TBC1D16: variants seen among roughly 807,000 people sequenced by gnomAD.
TBC1D16 encodes the protein CTD-2529O21.1.
In TBC1D16, 58 loss-of-function variants were observed where a neutral mutation model predicts 74.7. The ratio of observed to expected loss-of-function variants is 0.78; its 90% CI spans 0.63 to 0.97. The LOEUF (loss-of-function observed/expected upper bound fraction) is 0.97, where lower values mean the gene tolerates loss of function less well. Ranked by LOEUF, TBC1D16 falls within the 50% of genes least tolerant of loss-of-function variation. TBC1D16 has a pLI of 0.00. For missense variants in TBC1D16, 1,014 were observed against 1,079.5 expected, an observed-to-expected ratio of 0.94 and a Z score of 0.85; for synonymous variants, 493 against 474.7, an observed-to-expected ratio of 1.04 and a Z score of -0.50.
In TBC1D16 at chr17:80,035,436, C is replaced by T. The variant is rs1386159266; in HGVS notation, c.-63+359G>A. 6.6e-6 allele frequency among the ~76,000 whole-genome samples: 1 copy of T among 152,024 alleles called. No individual in the cohort carries two copies. Among genetic ancestry groups the T allele is most frequent in the Admixed American group, 6.5e-5 (1 of 15,282 alleles). ...CCCACAAGTTCTCATCCGTCTGCTC[C>T]GCCGATTCAGCCAGACAAAGACCGC... On this transcript the variant is annotated intron_variant, in intron 1 of 11. Transcript: ENST00000310924. The surrounding 1 kb of genome is among the most constrained non-coding windows in gnomAD (Gnocchi z 5.3).
At chr17:80,006,340 C>A (rs371217236) in intron 3 of TBC1D16, among the ~76,000 whole-genome samples, 2 of 152,166 alleles carry the variant, frequency 1.3e-5, no homozygotes, top group Non-Finnish European at 2.9e-5. Flanking sequence ...GCCACCCCAG[C>A]GATCCTAGTT....
In TBC1D16 at chr17:79,985,259, G is replaced by A. The variant is rs929820339; in HGVS notation, c.779+24901C>T. On this transcript the variant is annotated intron_variant, in intron 3 of 11. Transcript: ENST00000310924. This position sits in a 1 kb window ranked among gnomAD's most constrained non-coding sequence, Gnocchi z 4.9. Reference sequence around the variant, plus strand: ...CCGTCCGTGTCTTTTAAAGACATCCGTTGGATTTAGGGCCACCCTAATCCA... The same window carrying A: ...CCGTCCGTGTCTTTTAAAGACATCCATTGGATTTAGGGCCACCCTAATCCA... Among the ~76,000 whole-genome samples the A allele has an allele frequency of 9.9e-5, 15 of 152,088 alleles. No homozygotes were observed. The highest frequency in any genetic ancestry group is 2.2e-4 in the African/African-American group (9 of 41,400).
In TBC1D16 at chr17:80,007,594, C is replaced by G. The variant is rs1167882145; in HGVS notation, c.779+2566G>C. On this transcript the variant is annotated intron_variant, in intron 3 of 11. Coordinates refer to ENST00000310924, the MANE Select transcript of TBC1D16 (RefSeq NM_019020.4). The surrounding 1 kb of genome is among the most constrained non-coding windows in gnomAD (Gnocchi z 4.5). ...AGGGGGCCATGGGGAGGGCCCTCCT[C>G]AGCCCAGGGTTCGGGGGAATAGAGA... 6.6e-6 allele frequency among the ~76,000 whole-genome samples: 1 copy of G among 152,186 alleles called. No individual in the cohort carries two copies.
Position 79,941,720 on chromosome 17 carries a change from G to T in TBC1D16, c.2055+340C>A, listed in dbSNP as rs2032015075. ...TCCTTCTCAGTGTTCCCAGTTCTGG[G>T]TTGTAAGCGAGGTACCCCAGGGTAG... On this transcript the variant is annotated intron_variant, in intron 11 of 11. Transcript: ENST00000310924. The surrounding 1 kb of genome is among the most constrained non-coding windows in gnomAD (Gnocchi z 4.3). Among the ~76,000 whole-genome samples the T allele has an allele frequency of 6.6e-6, 1 of 152,238 alleles. No individual in the cohort carries two copies. Among genetic ancestry groups the T allele is most frequent in the South Asian group, 2.1e-4 (1 of 4,836 alleles).
rs2032076989 is a variant in TBC1D16 at position 79,942,181 on chromosome 17, C to A, written c.1934G>T (p.Cys645Phe). The A allele has an allele frequency of 1.9e-6, 3 of 1,605,808 alleles. No homozygotes were observed. The change falls in exon 11 of 12, where the codon TGC becomes TTC. Residue 645 changes from cysteine to phenylalanine, a missense_variant. By Grantham distance (205) the Cys-to-Phe change is radical. Coordinates refer to ENST00000310924, the MANE Select transcript of TBC1D16 (RefSeq NM_019020.4). ...YQTDYFHLFI[C>F]VAIVAIYGDD... ...CCCGTAGATGGCCACGATGGCCACGCAGATGAAAAGGTGGAAGTAGTCCGT... is the reference window on the plus strand; with the variant it reads ...CCCGTAGATGGCCACGATGGCCACGAAGATGAAAAGGTGGAAGTAGTCCGT...
intron 1 of TBC1D16, among the ~76,000 whole-genome samples, chr17:80,018,196 T>C (rs570771820): frequency 6.7e-6 from 1 of 149,470 alleles, no homozygotes; most frequent in African/African-American, 2.5e-5. Flanking sequence ...AAAAAAAAAG[T>C]GAAATTAATT....
chr17:79,949,817 G>T lies in TBC1D16; in HGVS notation c.1306C>A (p.Pro436Thr). 6.2e-7 allele frequency: 1 copy of T among 1,613,814 alleles called. No homozygotes were observed. Among genetic ancestry groups the T allele is most frequent in the Non-Finnish European group, 8.5e-7 (1 of 1,179,974 alleles). Residue 436 changes from proline to threonine, a missense_variant, in exon 7 of 12, where the codon CCC becomes ACC. Physicochemically the swap from Pro to Thr is conservative, Grantham distance 38 (BLOSUM62 -1). Coordinates refer to ENST00000310924, the MANE Select transcript of TBC1D16 (RefSeq NM_019020.4). ...IDVSIRGEVWPFLLRYYSHES... is the reference protein window; with the variant it reads ...IDVSIRGEVWTFLLRYYSHES... ...TGGCTGTAATAGCGCAGCAGGAAGG[G>T]CCAGACCTCCCCGCGGATTGACACA...
intron 3 of TBC1D16, among the ~76,000 whole-genome samples, chr17:79,977,587 AGACG>A (rs2034384372): frequency 6.6e-6 from 1 of 152,244 alleles, no homozygotes. Context: ...CCCACCTGTG[AGACG>A]GCGATGAGTT....
In TBC1D16 at chr17:79,944,200, G is replaced by A. The variant is rs2032303686; in HGVS notation, c.1908+708C>T. On this transcript the variant is annotated intron_variant, in intron 10 of 11. Coordinates refer to ENST00000310924, the MANE Select transcript of TBC1D16 (RefSeq NM_019020.4). The surrounding 1 kb of genome is among the most constrained non-coding windows in gnomAD (Gnocchi z 7.7). ...TCTTCAGGGTTCTCTGACGGAGGCT[G>A]CTGGAGCTGCCGTGGTGGATAGAGC... is the stretch of plus-strand genomic sequence containing the variant. 8 of 1,489,462 alleles carry A rather than the reference G, an allele frequency of 5.4e-6. No homozygotes were observed. The highest frequency in any genetic ancestry group is 7.2e-6 in the Non-Finnish European group (8 of 1,105,200). The allele number at this position is 1,489,462 out of a possible 1,614,324, so 92.3% of individuals were successfully genotyped here. A position where few individuals can be genotyped will look rare whatever the true frequency, so the allele number is the denominator to read the frequency against.
chr17:79,952,896 GAGTCATTTAAACCTACGC>G (rs2033152156), intron 3 of TBC1D16, 78 bp from the exon 4 acceptor site: 2 of 1,512,676 alleles, frequency 1.3e-6, no homozygotes, highest in South Asian at 1.2e-5. Context: ...GGTCATGGGG[GAGTCATTTAAACCTACGC>G]ACCAAGCTTA....
rs911041097 is a variant in TBC1D16 at position 79,979,221 on chromosome 17, G to A, written c.780-26403C>T. Among the ~76,000 whole-genome samples, 6 of 152,022 alleles carry A rather than the reference G, an allele frequency of 3.9e-5. No individual in the cohort carries two copies. The highest frequency in any genetic ancestry group is 1.2e-4 in the African/African-American group (5 of 41,380). On this transcript the variant is annotated intron_variant, in intron 3 of 11. Coordinates refer to ENST00000310924, the MANE Select transcript of TBC1D16 (RefSeq NM_019020.4). The surrounding 1 kb of genome is among the most constrained non-coding windows in gnomAD (Gnocchi z 4.8). ...AAGGCCAGAGCACACACGCTCCGGG[G>A]ACGCACACCCACGCCTAGAGCACAC...
Position 79,961,191 on chromosome 17 carries a change from T to A in TBC1D16, c.780-8373A>T, listed in dbSNP as rs1235932421. On this transcript the variant is annotated intron_variant, in intron 3 of 11. Coordinates refer to ENST00000310924, the MANE Select transcript of TBC1D16 (RefSeq NM_019020.4). This position sits in a 1 kb window ranked among gnomAD's most constrained non-coding sequence, Gnocchi z 4.8. Reference sequence around the variant, plus strand: ...ATATGCATGACGATATGGAAGCATCTCAGTTGTATTATGTTAAGTGAAAGA... The same window carrying A: ...ATATGCATGACGATATGGAAGCATCACAGTTGTATTATGTTAAGTGAAAGA... Among the ~76,000 whole-genome samples, 1 of 152,160 alleles carries A rather than the reference T, an allele frequency of 6.6e-6. No homozygotes were observed. Among genetic ancestry groups the A allele is most frequent in the African/African-American group, 2.4e-5 (1 of 41,420 alleles).
In TBC1D16 at chr17:79,954,704, T is replaced by C. The variant is rs886585261; in HGVS notation, c.780-1886A>G. 1.3e-5 allele frequency among the ~76,000 whole-genome samples: 2 copies of C among 152,168 alleles called. No individual in the cohort carries two copies. Among genetic ancestry groups the C allele is most frequent in the African/African-American group, 4.8e-5 (2 of 41,446 alleles). On this transcript the variant is annotated intron_variant, in intron 3 of 11. Coordinates refer to ENST00000310924, the MANE Select transcript of TBC1D16 (RefSeq NM_019020.4). The surrounding 1 kb of genome is among the most constrained non-coding windows in gnomAD (Gnocchi z 5.5). ...GGTGCCCCCTTCTGTCATCTGCTCATTGAACCGCGGGGCTGCTGTGACTGT... is the reference window on the plus strand; with the variant it reads ...GGTGCCCCCTTCTGTCATCTGCTCACTGAACCGCGGGGCTGCTGTGACTGT...
At chr17:79,958,693 A>G (rs1003778720) in intron 3 of TBC1D16, among the ~76,000 whole-genome samples, 5 of 152,250 alleles carry the variant, frequency 3.3e-5, no homozygotes, top group African/African-American at 1.2e-4. Flanking sequence ...CAAAAATCCA[A>G]TGCTCATTTA....
At chr17:80,033,909 G>A (rs912157418) in intron 1 of TBC1D16, among the ~76,000 whole-genome samples, 2 of 152,220 alleles carry the variant, frequency 1.3e-5, no homozygotes, top group Non-Finnish European at 1.5e-5. Context: ...GTTTGTATAT[G>A]AATGGTGGGC....
chr17:79,999,745 T>C (rs759704027), intron 3 of TBC1D16, among the ~76,000 whole-genome samples: 2 of 152,120 alleles, frequency 1.3e-5, no homozygotes, highest in African/African-American at 4.8e-5. Context: ...GGTTTCACTA[T>C]GTTGGCCAGG....
intron 1 of TBC1D16, among the ~76,000 whole-genome samples, chr17:80,024,802 T>C (rs1419567344): frequency 3.5e-5 from 5 of 142,604 alleles, no homozygotes; most frequent in Admixed American, 6.9e-5. Context: ...CTACAAACCA[T>C]AGGCACATAC....
intron 9 of TBC1D16, 74 bp downstream of exon 9, chr17:79,947,571 A>C: frequency 6.5e-7 from 1 of 1,542,158 alleles, no homozygotes; most frequent in Non-Finnish European, 8.9e-7. Flanking sequence ...TCACCACGGC[A>C]ACCCCGGCTA....
intron 10 of TBC1D16, among the ~76,000 whole-genome samples, chr17:79,942,823 G>T (rs904781489): frequency 2.0e-5 from 3 of 152,196 alleles, no homozygotes; most frequent in African/African-American, 7.2e-5. Flanking sequence ...TGAAATGATC[G>T]CCCTGTCCTT....
Sources: allele counts gnomAD v4.1 joint callset (sites outside exome capture counted in the v4.1 genomes callset), GRCh38; gene constraint gnomAD v4.1.1; non-coding constraint Gnocchi (gnomAD v3.1); transcripts MANE v1.5; gene names NCBI Gene and HGNC (gene_info 2026-07-23, HGNC 2026-07-21).